The following GNAQ variants were observed in gnomAD, a reference collection of about 807,000 sequenced individuals.
GNAQ encodes G protein subunit alpha q.
In GNAQ, 8 loss-of-function variants were observed where a neutral mutation model predicts 43.9. The ratio of observed to expected loss-of-function variants is 0.18; its 90% CI spans 0.11 to 0.33. The LOEUF is 0.33. Ranked by LOEUF, GNAQ falls within the 10% of genes least tolerant of loss-of-function variation. GNAQ has a pLI of 1.00. For synonymous variants in GNAQ, 155 were observed against 170.7 expected (o/e 0.91, Z 0.71); for missense variants, 158 against 450.8 (o/e 0.35, Z 5.88).
chr9:77,984,635 TTC>T (rs1823411098), intron 1 of GNAQ, among the ~76,000 whole-genome samples: 1 of 152,188 alleles, frequency 6.6e-6, no homozygotes, highest in Non-Finnish European at 1.5e-5. Context: ...TTTTAAAACA[TTC>T]TCTTTTAAAA....
intron 1 of GNAQ, among the ~76,000 whole-genome samples, chr9:78,011,291 G>A (rs890709058): frequency 3.3e-5 from 5 of 152,226 alleles, no homozygotes; most frequent in Admixed American, 2.6e-4. Context: ...AAGTGCTAAG[G>A]GAAAGATACA....
intron 2 of GNAQ, among the ~76,000 whole-genome samples, chr9:77,826,423 G>T (rs1159315208): frequency 6.6e-6 from 1 of 152,124 alleles, no homozygotes; most frequent in Non-Finnish European, 1.5e-5. Flanking sequence ...TTCCTGGCTA[G>T]AATCCATTAA....
At chr9:77,763,272 G>T (rs1385436807) in intron 5 of GNAQ, among the ~76,000 whole-genome samples, 1 of 152,132 alleles carries the variant, frequency 6.6e-6, no homozygotes, top group East Asian at 1.9e-4. Context: ...CCCATGAAAA[G>T]GGAGCAGGAT....
chr9:77,903,754 T>C (rs935419003), intron 2 of GNAQ, among the ~76,000 whole-genome samples: 39 of 151,968 alleles, frequency 2.6e-4, no homozygotes, highest in African/African-American at 9.2e-4. Context: ...CACACACACA[T>C]ATATATACAC....
At chr9:77,758,208 T>C (rs1177323364) in intron 5 of GNAQ, among the ~76,000 whole-genome samples, 1 of 152,230 alleles carries the variant, frequency 6.6e-6, no homozygotes, top group Admixed American at 6.5e-5. Flanking sequence ...AGTTTTATTT[T>C]TACCCATTTT....
intron 1 of GNAQ, among the ~76,000 whole-genome samples, chr9:77,975,527 C>T (rs1373236239): frequency 2.0e-5 from 3 of 146,768 alleles, no homozygotes; most frequent in African/African-American, 7.6e-5. Flanking sequence ...TTACTGTTAT[C>T]AGCCCCCCCT....
intron 5 of GNAQ, among the ~76,000 whole-genome samples, chr9:77,768,793 G>T (rs1480896338): frequency 6.6e-6 from 1 of 152,194 alleles, no homozygotes. Context: ...AGTAGTCTTA[G>T]ACTGGGCTAC....
chr9:77,739,282 T>G (rs1421403188), intron 5 of GNAQ, among the ~76,000 whole-genome samples: 1 of 152,214 alleles, frequency 6.6e-6, no homozygotes, highest in African/African-American at 2.4e-5. Context: ...GCAGTGAGGC[T>G]GAAGATTTTC....
At position 77,759,929 on chromosome 9, in the gene GNAQ, T is replaced by TTTTC. The variant is rs1418293473; in HGVS notation, c.736-31266_736-31263dup. Reference sequence around the variant, plus strand: ...TTCTTTTTTTTCTTTTCCTTTTTCTTTTTCTTTTTTTTTTGAGACAGGGTT... The same window carrying TTTTC: ...TTCTTTTTTTTCTTTTCCTTTTTCTTTTTCTTTCTTTTTTTTTTGAGACAGGGTT... On this transcript the variant is annotated intron_variant, in intron 5 of 6. Transcript: ENST00000286548. Among the ~76,000 whole-genome samples the TTTTC allele has an allele frequency of 4.0e-5, 6 of 151,592 alleles. No individual in the cohort carries two copies. The South Asian group carries it at 1.2e-3, about 32-fold the overall frequency.
At chr9:77,834,936 T>C (rs1827359477) in intron 2 of GNAQ, among the ~76,000 whole-genome samples, 3 of 151,820 alleles carry the variant, frequency 2.0e-5, no homozygotes, top group Admixed American at 2.0e-4. Flanking sequence ...ACTGGTTGAG[T>C]TTTCAACTTT....
At chr9:77,853,028 G>T (rs1046235448) in intron 2 of GNAQ, among the ~76,000 whole-genome samples, 8 of 152,094 alleles carry the variant, frequency 5.3e-5, no homozygotes, top group African/African-American at 9.7e-5. Flanking sequence ...TTTTTCCTTT[G>T]TCTCTTTCTA....
rs781434615 is a variant in GNAQ, at chr9:77,860,616, C to T, written c.322-44846G>A. On this transcript the variant is annotated intron_variant, in intron 2 of 6. Transcript: ENST00000286548. Reference sequence around the variant, plus strand: ...TTGCACTTTTGTGAGAATCTGATGCCGCCACTGATCTGACAGGAGGCGAAG... The same window carrying T: ...TTGCACTTTTGTGAGAATCTGATGCTGCCACTGATCTGACAGGAGGCGAAG... Among the ~76,000 whole-genome samples the T allele has an allele frequency of 3.3e-5, 5 of 152,120 alleles. No individual in the cohort carries two copies. The East Asian group carries it at 5.8e-4, about 18-fold the overall frequency.
intron 2 of GNAQ, among the ~76,000 whole-genome samples, chr9:77,843,745 G>A (rs938275474): frequency 1.3e-5 from 2 of 152,184 alleles, no homozygotes; most frequent in African/African-American, 4.8e-5. Flanking sequence ...ACAAACATGG[G>A]GATGTAATTT....
At chr9:77,801,454 T>C (rs1334771155) in intron 3 of GNAQ, among the ~76,000 whole-genome samples, 1 of 152,314 alleles carries the variant, frequency 6.6e-6, no homozygotes, top group African/African-American at 2.4e-5. Flanking sequence ...CTCTGTTCTG[T>C]CTGTTCATTG....
intron 1 of GNAQ, among the ~76,000 whole-genome samples, chr9:78,007,420 A>C (rs1785892724): frequency 6.6e-6 from 1 of 151,062 alleles, no homozygotes; most frequent in African/African-American, 2.4e-5. Flanking sequence ...CAAGCAAGCC[A>C]CCCACTAGAA....
intron 1 of GNAQ, among the ~76,000 whole-genome samples, chr9:77,963,139 C>A (rs571730350): frequency 6.6e-6 from 1 of 151,952 alleles, no homozygotes; most frequent in African/African-American, 2.4e-5. Context: ...CGTGGAAGAA[C>A]GGTGAAATCA....
intron 1 of GNAQ, among the ~76,000 whole-genome samples, chr9:77,961,644 G>A (rs192869356): frequency 6.6e-6 from 1 of 152,170 alleles, no homozygotes; most frequent in Non-Finnish European, 1.5e-5. Context: ...ATGAAAGAGA[G>A]GCTGCTCTAA....
intron 2 of GNAQ, among the ~76,000 whole-genome samples, chr9:77,912,425 G>A (rs1164010548): frequency 6.6e-6 from 1 of 152,148 alleles, no homozygotes; most frequent in Non-Finnish European, 1.5e-5. Flanking sequence ...AGATCTGAAT[G>A]TAAAATGTAA....
chr9:77,767,858 A>G (rs2118361404), intron 5 of GNAQ, among the ~76,000 whole-genome samples: 1 of 152,312 alleles, frequency 6.6e-6, no homozygotes, highest in Admixed American at 6.5e-5. Flanking sequence ...CCCTTCTGCA[A>G]GAGTACCCTA....
Sources: gnomAD v4.1 joint callset for allele counts (sites outside exome capture counted in the v4.1 genomes callset) on GRCh38, gnomAD v4.1.1 for gene constraint, MANE v1.5 for transcripts, NCBI Gene and HGNC (gene_info 2026-07-23, HGNC 2026-07-21) for gene names.